Variants in NRXN3 observed in about 807,000 individuals in gnomAD.
The protein encoded by NRXN3 is neurexin III.
A neutral mutation model predicts 137.6 loss-of-function variants in NRXN3; 32 were observed. The observed-to-expected ratio is 0.23, with a 90% CI of 0.18 to 0.31. The LOEUF (loss-of-function observed/expected upper bound fraction) is 0.31. NRXN3 is among the 10% of genes least tolerant of loss of function. The pLI is 1.00. For synonymous variants in NRXN3, 798 were observed against 784.5 expected, an observed-to-expected ratio of 1.02 and a Z score of -0.29; for missense variants, 1,574 against 2,062.5, an observed-to-expected ratio of 0.76 and a Z score of 4.59.
At chr14:79,068,467 T>C (rs974934563) in intron 15 of NRXN3, among the ~76,000 whole-genome samples, 3 of 152,094 alleles carry the variant, frequency 2.0e-5, no homozygotes, top group Non-Finnish European at 2.9e-5. Flanking sequence ...CTCTAGACCA[T>C]GCCTGCTATC....
chr14:78,719,782 C>T (rs911731174), intron 8 of NRXN3, among the ~76,000 whole-genome samples: 4 of 152,206 alleles, frequency 2.6e-5, no homozygotes, highest in Non-Finnish European at 5.9e-5. Flanking sequence ...GTGGAGGTTG[C>T]AGTGAGCCAA....
At chr14:78,526,336 G>T (rs1048927235) in intron 4 of NRXN3, among the ~76,000 whole-genome samples, 2 of 152,148 alleles carry the variant, frequency 1.3e-5, no homozygotes, top group Middle Eastern at 3.2e-3. Flanking sequence ...AGACCCCTGG[G>T]CCTCAAACTT....
At chr14:79,625,788 C>G (rs2098275495) in intron 16 of NRXN3, among the ~76,000 whole-genome samples, 1 of 152,156 alleles carries the variant, frequency 6.6e-6, no homozygotes, top group Non-Finnish European at 1.5e-5. Context: ...GACATAGCAT[C>G]TGTAAAGGAC....
At chr14:78,735,601 G>C (rs910405045) in intron 8 of NRXN3, among the ~76,000 whole-genome samples, 4 of 152,172 alleles carry the variant, frequency 2.6e-5, no homozygotes, top group Non-Finnish European at 5.9e-5. Flanking sequence ...CTAGGTTAGA[G>C]AATGTAATTC....
At chr14:79,233,159 G>A (rs1329083514) in intron 15 of NRXN3, among the ~76,000 whole-genome samples, 1 of 152,096 alleles carries the variant, frequency 6.6e-6, no homozygotes, top group African/African-American at 2.4e-5. Context: ...GTAAGTTCTA[G>A]CAGCAAGTCT....
Position 78,444,994 on chromosome 14 carries a change from A to G in NRXN3, c.757+147134A>G, listed in dbSNP as rs111702099. 9.0e-3 allele frequency among the ~76,000 whole-genome samples: 1,359 copies of G among 151,172 alleles called. 9 individuals are homozygous for G. Among genetic ancestry groups the G allele is most frequent in the Middle Eastern group, 0.024 (7 of 288 alleles). ...TAAGGCCACCCAAGATATTTAATACAAGGCAGGTTGTAAGTTTAAGTGAGT... is the reference window on the plus strand; with the variant it reads ...TAAGGCCACCCAAGATATTTAATACGAGGCAGGTTGTAAGTTTAAGTGAGT... On this transcript the variant is annotated intron_variant, in intron 4 of 20. Transcript: ENST00000335750.
In NRXN3 at chr14:79,149,557, G is replaced by A. The variant is rs551971206; in HGVS notation, c.3262+161416G>A. ...TTCTGTTATAAAGAGACATGCATGC[G>A]TATATTCATTGTGGCACTATTCACA... is the stretch of plus-strand genomic sequence containing the variant. On this transcript the variant is annotated intron_variant, in intron 15 of 20. Transcript: ENST00000335750. Among the ~76,000 whole-genome samples the A allele has an allele frequency of 1.2e-4, 18 of 152,048 alleles. No individual in the cohort carries two copies. The South Asian group carries it at 1.5e-3, about 12-fold the overall frequency.
At chr14:78,351,051 A>G (rs1329385258) in intron 4 of NRXN3, among the ~76,000 whole-genome samples, 1 of 152,178 alleles carries the variant, frequency 6.6e-6, no homozygotes, top group African/African-American at 2.4e-5. Context: ...CTTTGCCAGG[A>G]ATTGGCATTT....
At chr14:79,857,322 C>T (rs183474934) in intron 20 of NRXN3, among the ~76,000 whole-genome samples, 147 of 152,186 alleles carry the variant, frequency 9.7e-4, no homozygotes, top group Non-Finnish European at 1.6e-3. Context: ...CCCAGGTTCA[C>T]GCCATTCTCC....
intron 16 of NRXN3, chr14:79,661,683 C>G (rs2153984919): frequency 6.6e-6 from 1 of 152,200 alleles, no homozygotes; most frequent in Non-Finnish European, 1.5e-5. Context: ...TAGAAAAACT[C>G]TTTTCTATAT....
intron 1 of NRXN3, among the ~76,000 whole-genome samples, chr14:78,217,241 CAA>C (rs1316532546): frequency 6.6e-6 from 1 of 152,114 alleles, no homozygotes; most frequent in Non-Finnish European, 1.5e-5. Flanking sequence ...TTTTATCACT[CAA>C]ATGAACAATT....
chr14:79,358,616 A>AGAAAGAAG (rs2093550079), intron 15 of NRXN3, among the ~76,000 whole-genome samples: 1 of 131,166 alleles, frequency 7.6e-6, no homozygotes, highest in Non-Finnish European at 1.6e-5. Flanking sequence ...AGAGAAAGAA[A>AGAAAGAAG]GAAAGAAAGA....
chr14:78,520,463 T>A (rs1405451506), intron 4 of NRXN3, among the ~76,000 whole-genome samples: 1 of 152,146 alleles, frequency 6.6e-6, no homozygotes, highest in Non-Finnish European at 1.5e-5. Flanking sequence ...CAGGAAACTG[T>A]AGTTCAAGGT....
chr14:79,673,692 AC>A (rs1376885077), intron 17 of NRXN3, among the ~76,000 whole-genome samples: 1 of 152,116 alleles, frequency 6.6e-6, no homozygotes, highest in Admixed American at 6.6e-5. Flanking sequence ...GTGAATTCAT[AC>A]TAGGTGATGG....
At chr14:79,035,462 G>C (rs1332359065) in intron 15 of NRXN3, among the ~76,000 whole-genome samples, 5 of 151,930 alleles carry the variant, frequency 3.3e-5, no homozygotes, top group Admixed American at 6.6e-5. Context: ...GAAAAGAAAA[G>C]GTCCTATTTC....
intron 16 of NRXN3, 107 bp from the exon 17 acceptor site, chr14:79,663,671 G>A: frequency 1.2e-6 from 1 of 817,844 alleles, no homozygotes; most frequent in Non-Finnish European, 2.0e-6. Flanking sequence ...CATGCTGACA[G>A]CTCCCTCTGG....
intron 15 of NRXN3, among the ~76,000 whole-genome samples, chr14:79,097,052 A>G (rs2050484001): frequency 6.7e-6 from 1 of 149,856 alleles, no homozygotes; most frequent in African/African-American, 2.5e-5. Context: ...GGTGCCTGGA[A>G]TTTCTTCAAT....
intron 19 of NRXN3, among the ~76,000 whole-genome samples, chr14:79,762,933 T>C (rs1035707829): frequency 1.3e-5 from 2 of 151,648 alleles, no homozygotes; most frequent in Non-Finnish European, 2.9e-5. Context: ...GTTTGTTACA[T>C]AGGTATACAC....
rs1483158022 is a variant in NRXN3 at position 78,679,078 on chromosome 14, A to T, written c.1221+27752A>T. 2.0e-5 allele frequency among the ~76,000 whole-genome samples: 3 copies of T among 152,204 alleles called. No homozygotes were observed. The East Asian group carries it at 5.8e-4, about 29-fold the overall frequency. On this transcript the variant is annotated intron_variant, in intron 6 of 20. Coordinates refer to ENST00000335750, the MANE Select transcript of NRXN3 (RefSeq NM_001330195.2). ...CAACCAAACCCTCAAAGCAGATATG[A>T]TTACTGCAGCAACAGGAAATAAAGG...
Sources: gnomAD v4.1 joint callset for allele counts (sites outside exome capture counted in the v4.1 genomes callset) on GRCh38, gnomAD v4.1.1 for gene constraint, MANE v1.5 for transcripts, NCBI Gene and HGNC (gene_info 2026-07-23, HGNC 2026-07-21) for gene names.